The following ARHGAP18 variants were observed in gnomAD, a reference collection of about 807,000 sequenced individuals.
ARHGAP18 encodes rho GTPase-activating protein 18.
A neutral mutation model predicts 86.2 loss-of-function variants in ARHGAP18; 67 were observed. The observed-to-expected ratio is 0.78, with a 90% confidence interval of 0.64 to 0.95. ARHGAP18 has a LOEUF of 0.95. Ranked by LOEUF, ARHGAP18 falls within the 40% of genes least tolerant of loss-of-function variation. ARHGAP18 has a pLI of 0.00. For missense variants in ARHGAP18, 691 were observed against 780.4 expected (o/e 0.89, Z 1.37); for synonymous variants, 283 against 280.4 (o/e 1.01, Z -0.09).
chr6:129,624,418 T>C (rs1372574615), intron 5 of ARHGAP18, among the ~76,000 whole-genome samples: 1 of 151,886 alleles, frequency 6.6e-6, no homozygotes, highest in Non-Finnish European at 1.5e-5. Context: ...CAATCCCTGC[T>C]ACTCGGGAGG....
At chr6:129,634,201 A>T in intron 3 of ARHGAP18, 96 bp from the exon 4 acceptor site, 13 of 993,592 alleles carry the variant, frequency 1.3e-5, no homozygotes, top group Non-Finnish European at 1.9e-5. Flanking sequence ...AGAGTACAAG[A>T]CATGTACTCA....
At chr6:129,678,153 G>A (rs1774268659) in intron 1 of ARHGAP18, among the ~76,000 whole-genome samples, 1 of 152,206 alleles carries the variant, frequency 6.6e-6, no homozygotes, top group Admixed American at 6.5e-5. Flanking sequence ...CTTCAAGTGT[G>A]TGTTATTTCA....
At chr6:129,646,343 T>TG (rs1773579272) in intron 1 of ARHGAP18, among the ~76,000 whole-genome samples, 1 of 152,180 alleles carries the variant, frequency 6.6e-6, no homozygotes, top group Non-Finnish European at 1.5e-5. Context: ...TAGGTAACCA[T>TG]GAAAAAGGTC....
In ARHGAP18 at chr6:129,605,857, T is replaced by C; in HGVS notation, c.1365+20A>G. ...GTGCTTACTTCTAAGGGATATTTAA[T>C]GTAAATTAACCAAGCTGACCTTCAG... On this transcript the variant is annotated intron_variant, in intron 10 of 14. Transcript: ENST00000368149. 6 of 1,601,376 alleles carry C rather than the reference T, an allele frequency of 3.7e-6. No individual in the cohort carries two copies. The highest frequency in any genetic ancestry group is 5.1e-6 in the Non-Finnish European group (6 of 1,168,924).
At chr6:129,621,030 A>AT (rs1189931302) in intron 5 of ARHGAP18, among the ~76,000 whole-genome samples, 1 of 152,192 alleles carries the variant, frequency 6.6e-6, no homozygotes, top group African/African-American at 2.4e-5. Flanking sequence ...TCTTTAGAAA[A>AT]TATGGCTATT....
At chr6:129,634,202 C>T in intron 3 of ARHGAP18, 97 bp from the exon 4 acceptor site, 2 of 1,002,884 alleles carry the variant, frequency 2.0e-6, no homozygotes, top group Non-Finnish European at 3.1e-6. Context: ...GAGTACAAGA[C>T]ATGTACTCAG....
rs1298859693 is a variant in ARHGAP18 at position 129,625,061 on chromosome 6, A to T, written c.786+4292T>A. Among the ~76,000 whole-genome samples the T allele has an allele frequency of 1.4e-4, 15 of 108,954 alleles. 2 individuals are homozygous for T. Among genetic ancestry groups the T allele is most frequent in the African/African-American group, 5.4e-4 (15 of 27,852 alleles). 71.5% of individuals were successfully genotyped at this position (108,954 alleles called of 152,430 possible). ...TTTATATAATATATATGATTGATAT[A>T]TATTTATATATAATATATATGATAT... On this transcript the variant is annotated intron_variant, in intron 5 of 14. Transcript: ENST00000368149.
At chr6:129,653,865 A>G (rs1773770770) in intron 1 of ARHGAP18, among the ~76,000 whole-genome samples, 1 of 152,024 alleles carries the variant, frequency 6.6e-6, no homozygotes, top group African/African-American at 2.4e-5. Flanking sequence ...CAACATAGTG[A>G]GACATTGTCT....
chr6:129,692,962 C>A (rs956151535), intron 1 of ARHGAP18, among the ~76,000 whole-genome samples: 1 of 152,214 alleles, frequency 6.6e-6, no homozygotes, highest in African/African-American at 2.4e-5. Flanking sequence ...TCTCAAATAT[C>A]CAGTAATTTA....
At chr6:129,612,146 G>A (rs1277968828) in intron 7 of ARHGAP18, among the ~76,000 whole-genome samples, 2 of 152,112 alleles carry the variant, frequency 1.3e-5, no homozygotes, top group African/African-American at 4.8e-5. Flanking sequence ...CAATGAATAC[G>A]CTGATCTAAC....
intron 12 of ARHGAP18, among the ~76,000 whole-genome samples, chr6:129,593,130 G>A (rs1338155979): frequency 6.6e-6 from 1 of 152,052 alleles, no homozygotes; most frequent in Non-Finnish European, 1.5e-5. Flanking sequence ...GGTCTAGCGA[G>A]TCACCCAATC....
In ARHGAP18 at chr6:129,618,842, A is replaced by C; in HGVS notation, c.797T>G (p.Leu266Trp). 1 of 1,611,778 alleles carries C rather than the reference A, an allele frequency of 6.2e-7. No homozygotes were observed. Among genetic ancestry groups the C allele is most frequent in the Non-Finnish European group, 8.5e-7 (1 of 1,179,386 alleles). Residue 266 changes from leucine (L) to tryptophan (W), a missense_variant, in exon 6 of 15, where the codon TTG (leucine) becomes TGG (tryptophan). Coordinates refer to ENST00000368149, the MANE Select transcript of ARHGAP18 (RefSeq NM_033515.3). Reference protein sequence around the residue: ...GDDATLPSFRLPKDKTGTTRI... With the variant: ...GDDATLPSFRWPKDKTGTTRI... ...TGTGGTACCCGTTTTGTCTTTTGGC[A>C]ATCTGAAACTCTAAAATAAACATCA...
At chr6:129,657,429 T>TTA (rs767181436) in intron 1 of ARHGAP18, among the ~76,000 whole-genome samples, 7 of 136,636 alleles carry the variant, frequency 5.1e-5, no homozygotes, top group African/African-American at 1.6e-4. Flanking sequence ...TTTTTGAAAT[T>TTA]AAAAAAAAAA....
At chr6:129,601,893 G>A (rs1230808641) in intron 10 of ARHGAP18, among the ~76,000 whole-genome samples, 1 of 151,944 alleles carries the variant, frequency 6.6e-6, no homozygotes, top group Non-Finnish European at 1.5e-5. Flanking sequence ...CTTCCAAAGT[G>A]CTAGGATTAC....
At chr6:129,636,252 G>A (rs1248258787) in intron 3 of ARHGAP18, among the ~76,000 whole-genome samples, 3 of 152,148 alleles carry the variant, frequency 2.0e-5, no homozygotes, top group Non-Finnish European at 4.4e-5. Context: ...CTGTAAGATG[G>A]ACTGGACTTG....
At chr6:129,676,124 T>G (rs535622692) in intron 1 of ARHGAP18, among the ~76,000 whole-genome samples, 1 of 152,114 alleles carries the variant, frequency 6.6e-6, no homozygotes, top group Non-Finnish European at 1.5e-5. Flanking sequence ...TACTGAATGG[T>G]AAGAAAGGTG....
chr6:129,611,090 C>T (rs1425275776), intron 8 of ARHGAP18, among the ~76,000 whole-genome samples: 1 of 151,966 alleles, frequency 6.6e-6, no homozygotes, highest in Non-Finnish European at 1.5e-5. Flanking sequence ...TTTGTAGAGA[C>T]AGGGTCTCAC....
chr6:129,583,325 C>T (rs1788325914), intron 13 of ARHGAP18, among the ~76,000 whole-genome samples: 1 of 152,148 alleles, frequency 6.6e-6, no homozygotes, highest in South Asian at 2.1e-4. Context: ...TTGTTAGGAT[C>T]TCTAAAATAT....
chr6:129,625,082 G>A lies in ARHGAP18; in HGVS notation c.786+4271C>T, dbSNP rs373759942. 4.8e-4 allele frequency among the ~76,000 whole-genome samples: 36 copies of A among 74,796 alleles called. 3 individuals are homozygous for A. Among genetic ancestry groups the A allele is most frequent in the Middle Eastern group, 7.8e-3 (1 of 128 alleles). The allele number at this position is 74,796 out of a possible 152,430, so 49.1% of individuals were successfully genotyped here. ...ATATATATTTATATATAATATATAT[G>A]ATATATGATATATGATATATATTAT... is the stretch of plus-strand genomic sequence containing the variant. On this transcript the variant is annotated intron_variant, in intron 5 of 14. Coordinates refer to ENST00000368149, the MANE Select transcript of ARHGAP18 (RefSeq NM_033515.3).
Sources: gnomAD v4.1 joint callset for allele counts (sites outside exome capture counted in the v4.1 genomes callset) on GRCh38, gnomAD v4.1.1 for gene constraint, MANE v1.5 for transcripts, NCBI Gene and HGNC (gene_info 2026-07-23, HGNC 2026-07-21) for gene names.